The following SLC39A8 variants were observed in gnomAD, a reference collection of about 807,000 sequenced individuals.
The protein encoded by SLC39A8 is solute carrier family 39 member 8, also known as metal cation symporter ZIP8.
SLC39A8 carries 15 observed loss-of-function variants against 40.4 expected under a neutral mutation model. The observed-to-expected ratio is 0.37, with a 90% CI of 0.25 to 0.57. The LOEUF (loss-of-function observed/expected upper bound fraction) is 0.57, where lower values mean the gene tolerates loss of function less well. SLC39A8 is among the 20% of genes least tolerant of loss of function. SLC39A8 has a pLI of 0.75. For synonymous variants in SLC39A8, 223 were observed against 221.6 expected, an observed-to-expected ratio of 1.01 and a Z score of -0.06; for missense variants, 472 against 558.8, an observed-to-expected ratio of 0.84 and a Z score of 1.57.
At chr4:102,313,179 T>C (rs1393251840) in intron 3 of SLC39A8, among the ~76,000 whole-genome samples, 1 of 152,084 alleles carries the variant, frequency 6.6e-6, no homozygotes, top group African/African-American at 2.4e-5. Context: ...AGAACATGGG[T>C]TCTGAAGCCA....
At chr4:102,300,093 C>T (rs1296047093) in intron 6 of SLC39A8, among the ~76,000 whole-genome samples, 2 of 151,962 alleles carry the variant, frequency 1.3e-5, no homozygotes, top group Non-Finnish European at 1.5e-5. Flanking sequence ...CTACATCTTC[C>T]TTTTTACCCC....
Position 102,262,406 on chromosome 4 carries a change from G to A in SLC39A8, c.*638C>T, listed in dbSNP as rs1731903840. 1 of 985,494 alleles carries A rather than the reference G, an allele frequency of 1.0e-6. No individual in the cohort carries two copies. The highest frequency in any genetic ancestry group is 1.2e-6 in the Non-Finnish European group (1 of 829,920). 61.0% of individuals were successfully genotyped at this position (985,494 alleles called of 1,614,324 possible). On this transcript the variant is annotated 3_prime_UTR_variant, in exon 9 of 9. Transcript: ENST00000356736. Reference sequence around the variant, plus strand: ...CGATAAGCCTCTAAGCCTGAACTTAGCAGGGCTAGCAAAACTTTATTTATT... The same window carrying A: ...CGATAAGCCTCTAAGCCTGAACTTAACAGGGCTAGCAAAACTTTATTTATT...
At chr4:102,279,236 T>C (rs1240450525) in intron 6 of SLC39A8, among the ~76,000 whole-genome samples, 1 of 152,186 alleles carries the variant, frequency 6.6e-6, no homozygotes, top group South Asian at 2.1e-4. Context: ...GTAATTCTTA[T>C]ACCAGGAAAC....
chr4:102,333,610 G>A (rs763641068), intron 2 of SLC39A8, among the ~76,000 whole-genome samples: 2 of 152,302 alleles, frequency 1.3e-5, no homozygotes, highest in Admixed American at 6.5e-5. Context: ...AGAAAGAGAT[G>A]GAGTTGATGA....
At chr4:102,291,577 A>G (rs983345567) in intron 6 of SLC39A8, among the ~76,000 whole-genome samples, 19 of 152,170 alleles carry the variant, frequency 1.2e-4, no homozygotes, top group African/African-American at 4.6e-4. Flanking sequence ...AGAAGGTCCA[A>G]TATACTAGGG....
chr4:102,310,770 A>G (rs62327954), intron 3 of SLC39A8, among the ~76,000 whole-genome samples: 14,901 of 152,220 alleles, frequency 0.098, 897 homozygotes, highest in South Asian at 0.29. Context: ...GGACATCTCC[A>G]TATATACGTG....
At chr4:102,328,342 T>G (rs969296502) in intron 2 of SLC39A8, among the ~76,000 whole-genome samples, 9 of 151,974 alleles carry the variant, frequency 5.9e-5, no homozygotes, top group Middle Eastern at 3.4e-3. Flanking sequence ...TCTCTCTGTT[T>G]TTTTTTTTTT....
Position 102,321,774 on chromosome 4 carries a change from C to T in SLC39A8, c.220-5944G>A, listed in dbSNP as rs1374473329. On this transcript the variant is annotated intron_variant, in intron 2 of 8. Coordinates refer to ENST00000356736, the MANE Select transcript of SLC39A8 (RefSeq NM_001135146.2). ...AATGCAAATGATTGGTGAGCTTTCC[C>T]TGAGAAAGGTAGAGACCAGAGACAA... is the stretch of plus-strand genomic sequence containing the variant. Among the ~76,000 whole-genome samples the T allele has an allele frequency of 2.6e-5, 4 of 152,172 alleles. No homozygotes were observed. The South Asian group carries it at 8.3e-4, about 31-fold the overall frequency.
Position 102,295,186 on chromosome 4 carries a change from A to C in SLC39A8, c.840+9131T>G, listed in dbSNP as rs1733632134. 1.4e-5 allele frequency among the ~76,000 whole-genome samples: 2 copies of C among 148,140 alleles called. 1 individual carries two copies. The highest frequency in any genetic ancestry group is 4.2e-4 in the South Asian group (2 of 4,790). On this transcript the variant is annotated intron_variant, in intron 6 of 8. Transcript: ENST00000356736. ...ATATATGTAAATATATATATTATAT[A>C]TATGTATATAAAAAACTATTCACAG...
chr4:102,274,622 A>T (rs917848860), intron 6 of SLC39A8, among the ~76,000 whole-genome samples: 3 of 152,214 alleles, frequency 2.0e-5, no homozygotes, highest in Non-Finnish European at 4.4e-5. Flanking sequence ...ATACTCCTTG[A>T]GAAGAGCAAC....
At chr4:102,281,364 G>A (rs1331843513) in intron 6 of SLC39A8, among the ~76,000 whole-genome samples, 1 of 152,148 alleles carries the variant, frequency 6.6e-6, no homozygotes, top group Non-Finnish European at 1.5e-5. Context: ...ATGCCGTGGA[G>A]AAACCAACCC....
chr4:102,333,025 G>T (rs148937420), intron 2 of SLC39A8, among the ~76,000 whole-genome samples: 1 of 152,136 alleles, frequency 6.6e-6, no homozygotes, highest in African/African-American at 2.4e-5. Context: ...AGGGGCTGCG[G>T]GGCTAGGGGA....
At chr4:102,255,392 C>A (rs533898374) in intron 11 of SLC39A8, among the ~76,000 whole-genome samples, 37 of 152,192 alleles carry the variant, frequency 2.4e-4, no homozygotes, top group Admixed American at 2.3e-3. Context: ...GAACTAGAAC[C>A]AAAGACAACA....
intron 6 of SLC39A8, among the ~76,000 whole-genome samples, chr4:102,278,292 A>G (rs1254430882): frequency 6.6e-6 from 1 of 152,166 alleles, no homozygotes; most frequent in East Asian, 1.9e-4. Context: ...AATTTAGAAG[A>G]AAAAAACAAA....
chr4:102,314,458 A>C (rs1734573152), intron 3 of SLC39A8, among the ~76,000 whole-genome samples: 1 of 152,040 alleles, frequency 6.6e-6, no homozygotes, highest in Non-Finnish European at 1.5e-5. Context: ...ATTCAGAATA[A>C]AACCCAATCA....
chr4:102,325,424 C>T (rs952633526), intron 2 of SLC39A8, among the ~76,000 whole-genome samples: 14 of 115,336 alleles, frequency 1.2e-4, no homozygotes, highest in African/African-American at 4.5e-4. Context: ...CACACACACT[C>T]ACATGCATAC....
At chr4:102,268,603 C>G (rs1055159171) in intron 6 of SLC39A8, among the ~76,000 whole-genome samples, 11 of 152,188 alleles carry the variant, frequency 7.2e-5, no homozygotes, top group Admixed American at 7.2e-4. Context: ...AGACATTGTA[C>G]TAAATGATTC....
chr4:102,275,068 A>G (rs1342090465), intron 6 of SLC39A8, among the ~76,000 whole-genome samples: 1 of 152,230 alleles, frequency 6.6e-6, no homozygotes, highest in Non-Finnish European at 1.5e-5. Flanking sequence ...AACAGCTAGC[A>G]TCATAATGAC....
intron 3 of SLC39A8, among the ~76,000 whole-genome samples, chr4:102,312,276 C>T (rs1306715654): frequency 2.0e-5 from 3 of 152,038 alleles, no homozygotes; most frequent in African/African-American, 7.2e-5. Flanking sequence ...CTTCTCCCCC[C>T]GATCCCACTC....
Sources: gnomAD v4.1 joint callset for allele counts (sites outside exome capture counted in the v4.1 genomes callset) on GRCh38, gnomAD v4.1.1 for gene constraint, MANE v1.5 for transcripts, NCBI Gene and HGNC (gene_info 2026-07-23, HGNC 2026-07-21) for gene names.